PPP2R5A: variants seen among roughly 807,000 people sequenced by gnomAD.
PPP2R5A encodes protein phosphatase 2 regulatory subunit B'alpha, also known as serine/threonine-protein phosphatase 2A 56 kDa regulatory subunit alpha isoform.
PPP2R5A carries 25 observed loss-of-function variants against 64.2 expected under a neutral mutation model. The ratio of observed to expected loss-of-function variants is 0.39; its 90% CI spans 0.28 to 0.54. The LOEUF is 0.54. Ranked by LOEUF, PPP2R5A falls within the 20% of genes least tolerant of loss-of-function variation. The pLI is 0.67. For synonymous variants in PPP2R5A, 198 were observed against 201.2 expected (o/e 0.98, Z 0.13); for missense variants, 425 against 576.3 (o/e 0.74, Z 2.69).
intron 8 of PPP2R5A, among the ~76,000 whole-genome samples, chr1:212,351,985 A>G (rs1257473085): frequency 6.7e-6 from 1 of 149,368 alleles, no homozygotes; most frequent in Non-Finnish European, 1.5e-5. Flanking sequence ...TTTATTTTAT[A>G]TTTTATTTTA....
chr1:212,351,063 G>A (rs1157270314), intron 8 of PPP2R5A, among the ~76,000 whole-genome samples: 3 of 148,430 alleles, frequency 2.0e-5, no homozygotes, highest in South Asian at 2.1e-4. Context: ...AGAATCACTT[G>A]AACCCTGGAG....
intron 1 of PPP2R5A, among the ~76,000 whole-genome samples, chr1:212,293,592 T>C (rs1407406860): frequency 6.6e-6 from 1 of 152,224 alleles, no homozygotes; most frequent in African/African-American, 2.4e-5. Flanking sequence ...CTTTTTGAAC[T>C]GTTACCTGAA....
At chr1:212,337,832 T>C (rs1659615486) in intron 3 of PPP2R5A, among the ~76,000 whole-genome samples, 1 of 152,198 alleles carries the variant, frequency 6.6e-6, no homozygotes, top group African/African-American at 2.4e-5. Context: ...AAAACTAAGA[T>C]TTTGTTAATG....
chr1:212,296,303 C>T lies in PPP2R5A; in HGVS notation c.181+10012C>T, dbSNP rs377183746. ...AAATTTGAGATGCCATTTAGAAACCCAGTTATAAATATCAAATAGATCACT... is the reference window on the plus strand; with the variant it reads ...AAATTTGAGATGCCATTTAGAAACCTAGTTATAAATATCAAATAGATCACT... On this transcript the variant is annotated intron_variant, in intron 1 of 12. Coordinates refer to ENST00000261461, the MANE Select transcript of PPP2R5A (RefSeq NM_006243.4). Among the ~76,000 whole-genome samples, 6 of 152,106 alleles carry T rather than the reference C, an allele frequency of 3.9e-5. No homozygotes were observed. In the South Asian group the frequency reaches 8.3e-4, roughly 21 times the overall value.
At chr1:212,353,701 C>T (rs1320628499) in intron 8 of PPP2R5A, among the ~76,000 whole-genome samples, 2 of 152,102 alleles carry the variant, frequency 1.3e-5, no homozygotes, top group African/African-American at 4.8e-5. Flanking sequence ...ACCAAAAAAA[C>T]AATTCTTATT....
At chr1:212,335,734 A>G (rs1659583240) in intron 3 of PPP2R5A, among the ~76,000 whole-genome samples, 1 of 152,224 alleles carries the variant, frequency 6.6e-6, no homozygotes, top group African/African-American at 2.4e-5. Context: ...ACACAAGTTT[A>G]TCTGAAATTT....
intron 1 of PPP2R5A, among the ~76,000 whole-genome samples, chr1:212,326,027 C>T (rs1659402402): frequency 6.6e-6 from 1 of 151,986 alleles, no homozygotes; most frequent in African/African-American, 2.4e-5. Context: ...ATTCAAGATA[C>T]AACTGATTTT....
At chr1:212,357,665 T>G (rs956617915) in intron 11 of PPP2R5A, among the ~76,000 whole-genome samples, 5 of 151,856 alleles carry the variant, frequency 3.3e-5, no homozygotes, top group African/African-American at 1.2e-4. Context: ...TAGCCGGGCG[T>G]GGTGGCGGGC....
intron 3 of PPP2R5A, among the ~76,000 whole-genome samples, chr1:212,337,264 C>T (rs1219185436): frequency 1.3e-5 from 2 of 152,054 alleles, no homozygotes; most frequent in Admixed American, 1.3e-4. Context: ...TAATTTTCTG[C>T]ACTTTTAGAT....
chr1:212,310,974 C>T (rs1480860385), intron 1 of PPP2R5A, among the ~76,000 whole-genome samples: 1 of 152,168 alleles, frequency 6.6e-6, no homozygotes, highest in South Asian at 2.1e-4. Flanking sequence ...GGGGAAGGAG[C>T]TCTCTTGCTT....
At chr1:212,355,225 T>C (rs1659958129) in intron 8 of PPP2R5A, among the ~76,000 whole-genome samples, 1 of 152,128 alleles carries the variant, frequency 6.6e-6, no homozygotes, top group African/African-American at 2.4e-5. Flanking sequence ...TTTTTATATA[T>C]GTATTTTTTA....
At chr1:212,297,246 C>T (rs940738778) in intron 1 of PPP2R5A, among the ~76,000 whole-genome samples, 6 of 151,138 alleles carry the variant, frequency 4.0e-5, no homozygotes, top group Non-Finnish European at 7.4e-5. Flanking sequence ...CTCAGCCTCC[C>T]GAGTAGCTGC....
At chr1:212,340,607 A>T (rs944899808) in intron 3 of PPP2R5A, among the ~76,000 whole-genome samples, 1 of 152,226 alleles carries the variant, frequency 6.6e-6, no homozygotes, top group African/African-American at 2.4e-5. Flanking sequence ...TGATTAGAAA[A>T]TTATCTATGA....
At chr1:212,291,601 C>T (rs1658603278) in intron 1 of PPP2R5A, among the ~76,000 whole-genome samples, 1 of 152,216 alleles carries the variant, frequency 6.6e-6, no homozygotes, top group Admixed American at 6.5e-5. Flanking sequence ...GTCCTTTTCT[C>T]TCTGATACTC....
chr1:212,332,574 GT>G (rs1473098688), intron 2 of PPP2R5A, among the ~76,000 whole-genome samples: 1 of 152,156 alleles, frequency 6.6e-6, no homozygotes, highest in Non-Finnish European at 1.5e-5. Context: ...TGGTTAATAT[GT>G]TTTTTAAAAG....
rs146033779 is a variant in PPP2R5A at position 212,286,236 on chromosome 1, G to C, written c.126G>C (p.Ser42=). The part of the protein sequence containing the change: ...AQRQKRSQGS[S]QFRSQGSQAE... ...GGCAGAAGCGCTCCCAGGGCTCGTC[G>C]CAGTTTCGCAGCCAGGGCAGCCAGG... is the stretch of plus-strand genomic sequence containing the variant. The change falls in exon 1 of 13, where the codon TCG becomes TCC. Residue 42 remains serine (S), a synonymous_variant. Coordinates refer to ENST00000261461, the MANE Select transcript of PPP2R5A (RefSeq NM_006243.4). 19 of 1,558,334 alleles carry C rather than the reference G, an allele frequency of 1.2e-5. No homozygotes were observed. The highest frequency in any genetic ancestry group is 1.6e-5 in the Non-Finnish European group (19 of 1,153,788).
At chr1:212,291,594 CT>C (rs1312039460) in intron 1 of PPP2R5A, among the ~76,000 whole-genome samples, 3 of 152,208 alleles carry the variant, frequency 2.0e-5, no homozygotes, top group Non-Finnish European at 1.5e-5. Flanking sequence ...AGACTTCGTC[CT>C]TTTCTCTCTG....
intron 2 of PPP2R5A, among the ~76,000 whole-genome samples, chr1:212,332,181 G>C (rs1659516222): frequency 6.6e-6 from 1 of 152,082 alleles, no homozygotes; most frequent in Non-Finnish European, 1.5e-5. Flanking sequence ...TTTGAGTTCT[G>C]GCTGATCAAA....
intron 1 of PPP2R5A, among the ~76,000 whole-genome samples, chr1:212,324,856 C>T (rs12023488): frequency 0.3 from 45,013 of 151,982 alleles, 7,200 homozygotes; most frequent in Non-Finnish European, 0.37. Flanking sequence ...CCACCCACCT[C>T]GGCCTCCCAA....
Sources: gnomAD v4.1 joint callset for allele counts (sites outside exome capture counted in the v4.1 genomes callset) on GRCh38, gnomAD v4.1.1 for gene constraint, MANE v1.5 for transcripts, NCBI Gene and HGNC (gene_info 2026-07-23, HGNC 2026-07-21) for gene names.